The following PCDH7 variants were observed in gnomAD, a reference collection of about 807,000 sequenced individuals.
PCDH7 encodes the protein protocadherin 7, also known as protocadherin-7.
In PCDH7, 17 loss-of-function variants were observed where a neutral mutation model predicts 58.9. The ratio of observed to expected loss-of-function variants is 0.29; its 90% confidence interval spans 0.20 to 0.43. The LOEUF is 0.43. Among genes scored for constraint, PCDH7 ranks in the 20% least tolerant of loss-of-function variants. PCDH7 has a pLI of 1.00. For missense variants in PCDH7, 1,274 were observed against 1,441.0 expected (o/e 0.88, Z 1.88); for synonymous variants, 664 against 616.4 (o/e 1.08, Z -1.14).
intron 3 of PCDH7, among the ~76,000 whole-genome samples, chr4:31,028,164 A>G (rs761829180): frequency 3.3e-5 from 5 of 152,180 alleles, no homozygotes; most frequent in Admixed American, 6.5e-5. Context: ...ATGTCCGCTG[A>G]CATAGCTATA....
exon 1 of PCDH7, chr4:30,724,492 C>T (rs1182635713): frequency 6.2e-7 from 1 of 1,614,030 alleles, no homozygotes; most frequent in Non-Finnish European, 8.5e-7. Context: ...CGTACAAGAT[C>T]TACCACCAGC....
At chr4:30,997,913 G>T (rs1456225040) in intron 3 of PCDH7, among the ~76,000 whole-genome samples, 1 of 152,054 alleles carries the variant, frequency 6.6e-6, no homozygotes, top group South Asian at 2.1e-4. Flanking sequence ...GTGTGTGTTT[G>T]TGTGTGTGGA....
At chr4:31,030,004 G>T (rs1379196196) in intron 3 of PCDH7, among the ~76,000 whole-genome samples, 1 of 152,144 alleles carries the variant, frequency 6.6e-6, no homozygotes, top group African/African-American at 2.4e-5. Context: ...CAGTTTTCTA[G>T]TCATGAATGA....
At chr4:31,097,023 A>G (rs1714092659) in intron 3 of PCDH7, among the ~76,000 whole-genome samples, 1 of 150,960 alleles carries the variant, frequency 6.6e-6, no homozygotes, top group Non-Finnish European at 1.5e-5. Flanking sequence ...AGAGAAAAAG[A>G]GAGACTTTTA....
intron 1 of PCDH7, among the ~76,000 whole-genome samples, chr4:30,797,230 C>G (rs1413025005): frequency 6.6e-6 from 1 of 151,712 alleles, no homozygotes; most frequent in Non-Finnish European, 1.5e-5. Context: ...GCCACCAGGC[C>G]CGACCACTTC....
intron 1 of PCDH7, among the ~76,000 whole-genome samples, chr4:30,819,533 A>G (rs1728100014): frequency 6.6e-6 from 1 of 152,166 alleles, no homozygotes; most frequent in Non-Finnish European, 1.5e-5. Flanking sequence ...GTAAAAATAG[A>G]CTTCGTTGCC....
chr4:31,026,977 G>T (rs1754487319), intron 3 of PCDH7, among the ~76,000 whole-genome samples: 1 of 152,114 alleles, frequency 6.6e-6, no homozygotes, highest in Non-Finnish European at 1.5e-5. Context: ...AGTAAAAATG[G>T]GAGTAAGATG....
intron 1 of PCDH7, among the ~76,000 whole-genome samples, chr4:30,816,097 A>C (rs895583810): frequency 6.6e-6 from 1 of 152,214 alleles, no homozygotes; most frequent in Non-Finnish European, 1.5e-5. Context: ...TTTTATAGAT[A>C]CATTATTGGT....
At chr4:31,024,611 C>T (rs1038556661) in intron 3 of PCDH7, among the ~76,000 whole-genome samples, 1 of 152,142 alleles carries the variant, frequency 6.6e-6, no homozygotes, top group South Asian at 2.1e-4. Context: ...TTATTTTTCA[C>T]TTCAAAGACT....
intron 3 of PCDH7, among the ~76,000 whole-genome samples, chr4:31,118,366 T>C (rs1373389635): frequency 6.6e-6 from 1 of 152,190 alleles, no homozygotes; most frequent in East Asian, 1.9e-4. Flanking sequence ...GTTGTTCTTC[T>C]TGTGGAATAT....
At chr4:31,027,518 G>A (rs1199904031) in intron 3 of PCDH7, among the ~76,000 whole-genome samples, 3 of 151,996 alleles carry the variant, frequency 2.0e-5, no homozygotes, top group Non-Finnish European at 1.5e-5. Context: ...CGCCTCCCAG[G>A]TTCAAGGGAT....
At chr4:30,899,638 G>C (rs1426134661) in intron 1 of PCDH7, among the ~76,000 whole-genome samples, 3 of 152,154 alleles carry the variant, frequency 2.0e-5, no homozygotes, top group Non-Finnish European at 4.4e-5. Context: ...TCCGTTTACT[G>C]TTCACTCCAT....
intron 1 of PCDH7, among the ~76,000 whole-genome samples, chr4:30,829,860 A>G (rs1729557894): frequency 6.6e-6 from 1 of 152,098 alleles, no homozygotes. Flanking sequence ...ATATGTTGTT[A>G]TATGGACCAC....
chr4:30,920,938 G>T (rs1743112465), intron 2 of PCDH7, among the ~76,000 whole-genome samples: 1 of 151,130 alleles, frequency 6.6e-6, no homozygotes, highest in Non-Finnish European at 1.5e-5. Context: ...CAAGTATAAG[G>T]TTTTTTTTTA....
chr4:31,105,986 G>A (rs934478609), intron 3 of PCDH7, among the ~76,000 whole-genome samples: 28 of 149,620 alleles, frequency 1.9e-4, no homozygotes, highest in African/African-American at 7.0e-4. Context: ...CAGCCTAGGT[G>A]ACAGAGCAAG....
intron 3 of PCDH7, among the ~76,000 whole-genome samples, chr4:31,136,032 G>T (rs554578048): frequency 7.9e-5 from 12 of 152,284 alleles, no homozygotes; most frequent in African/African-American, 2.9e-4. Flanking sequence ...TTATTACACA[G>T]ATGAGGAAAC....
At chr4:31,028,970 C>T (rs1449625635) in intron 3 of PCDH7, among the ~76,000 whole-genome samples, 1 of 152,156 alleles carries the variant, frequency 6.6e-6, no homozygotes. Flanking sequence ...ATGCCCAGAA[C>T]AGCTGATTCA....
At chr4:30,965,107 T>G (rs1748880754) in intron 3 of PCDH7, among the ~76,000 whole-genome samples, 3 of 152,244 alleles carry the variant, frequency 2.0e-5, no homozygotes. Flanking sequence ...TTCTGTTGGT[T>G]TATATTCTAA....
At chr4:31,104,672 C>T (rs1174044153) in intron 3 of PCDH7, among the ~76,000 whole-genome samples, 3 of 152,170 alleles carry the variant, frequency 2.0e-5, no homozygotes. Flanking sequence ...AATCCTAACA[C>T]TGAGCTTTCT....
Sources: gnomAD v4.1 joint callset for allele counts (sites outside exome capture counted in the v4.1 genomes callset) on GRCh38, gnomAD v4.1.1 for gene constraint, MANE v1.5 for transcripts, NCBI Gene and HGNC (gene_info 2026-07-23, HGNC 2026-07-21) for gene names.